Variants in CNTN4 observed in about 807,000 individuals in gnomAD.
CNTN4 encodes the protein contactin 4.
CNTN4 carries 77 observed loss-of-function variants against 122.5 expected under a neutral mutation model. The observed-to-expected ratio is 0.63, with a 90% CI of 0.52 to 0.76. The LOEUF (loss-of-function observed/expected upper bound fraction) is 0.76. CNTN4 is among the 30% of genes least tolerant of loss of function. CNTN4 has a pLI of 0.00. For synonymous variants in CNTN4, 512 were observed against 447.0 expected (o/e 1.15, Z -1.83); for missense variants, 1,256 against 1,259.1 (o/e 1.00, Z 0.04).
intron 14 of CNTN4, among the ~76,000 whole-genome samples, chr3:2,993,012 GT>G (rs151263509): frequency 0.035 from 5,336 of 152,204 alleles, 318 homozygotes; most frequent in African/African-American, 0.12. Context: ...ACACATCAGA[GT>G]TTAGAACATT....
At chr3:2,191,561 T>C (rs1239791918) in intron 2 of CNTN4, among the ~76,000 whole-genome samples, 1 of 152,054 alleles carries the variant, frequency 6.6e-6, no homozygotes, top group Non-Finnish European at 1.5e-5. Flanking sequence ...CCATGACACC[T>C]CTAGCCCGTA....
At chr3:2,225,783 C>T (rs561731078) in intron 2 of CNTN4, among the ~76,000 whole-genome samples, 1 of 152,264 alleles carries the variant, frequency 6.6e-6, no homozygotes, top group Admixed American at 6.5e-5. Flanking sequence ...CACATCTGAC[C>T]CCACTCATCA....
At chr3:2,644,153 A>T (rs1352860609) in intron 4 of CNTN4, among the ~76,000 whole-genome samples, 2 of 152,122 alleles carry the variant, frequency 1.3e-5, no homozygotes, top group Non-Finnish European at 2.9e-5. Context: ...TCCTTAAATA[A>T]CCAGGTAGGG....
chr3:2,946,379 A>C (rs1293886064), intron 13 of CNTN4, among the ~76,000 whole-genome samples: 5 of 152,144 alleles, frequency 3.3e-5, no homozygotes, highest in Non-Finnish European at 7.4e-5. Context: ...TTATGGTAAA[A>C]CTGAGGTTAG....
At chr3:2,255,869 A>AGC (rs1408135431) in intron 2 of CNTN4, among the ~76,000 whole-genome samples, 1 of 152,202 alleles carries the variant, frequency 6.6e-6, no homozygotes, top group Non-Finnish European at 1.5e-5. Flanking sequence ...CTAACATCAC[A>AGC]GTTAAAAGAA....
At chr3:2,776,803 G>A (rs568166231) in intron 6 of CNTN4, among the ~76,000 whole-genome samples, 90 of 152,252 alleles carry the variant, frequency 5.9e-4, no homozygotes, top group African/African-American at 2.1e-3. Flanking sequence ...AGAGTACAAA[G>A]TCCTCAGTTA....
chr3:2,371,377 C>T (rs967396856), intron 3 of CNTN4, among the ~76,000 whole-genome samples: 10 of 152,068 alleles, frequency 6.6e-5, no homozygotes, highest in Non-Finnish European at 1.3e-4. Context: ...CCTTTAACAC[C>T]CTATTTAAAA....
intron 2 of CNTN4, among the ~76,000 whole-genome samples, chr3:2,316,304 A>G (rs544021475): frequency 4.5e-4 from 68 of 152,076 alleles, no homozygotes; most frequent in Non-Finnish European, 8.4e-4. Flanking sequence ...ATGTGTTTTT[A>G]AAGACATGCT....
At chr3:2,116,688 T>G (rs2033376200) in intron 2 of CNTN4, among the ~76,000 whole-genome samples, 1 of 152,132 alleles carries the variant, frequency 6.6e-6, no homozygotes, top group South Asian at 2.1e-4. Flanking sequence ...ACACGAGAAT[T>G]TTTCAGAATC....
At chr3:2,987,433 G>T (rs1350872649) in intron 13 of CNTN4, among the ~76,000 whole-genome samples, 1 of 152,324 alleles carries the variant, frequency 6.6e-6, no homozygotes, top group Non-Finnish European at 1.5e-5. Flanking sequence ...GGTAGAAATA[G>T]GCAGGCCAAT....
At chr3:2,122,015 G>C (rs1036406074) in intron 2 of CNTN4, among the ~76,000 whole-genome samples, 1 of 133,612 alleles carries the variant, frequency 7.5e-6, no homozygotes, top group Non-Finnish European at 1.7e-5. Context: ...AATTAGCCGG[G>C]CGTGGTGGCG....
intron 13 of CNTN4, among the ~76,000 whole-genome samples, chr3:2,963,929 A>G (rs577596579): frequency 1.1e-4 from 16 of 152,304 alleles, no homozygotes; most frequent in Middle Eastern, 3.4e-3. Flanking sequence ...GAATTGAAGA[A>G]TGGTCATAAA....
At chr3:2,675,190 G>C (rs560388593) in intron 4 of CNTN4, among the ~76,000 whole-genome samples, 94 of 150,970 alleles carry the variant, frequency 6.2e-4, no homozygotes, top group Middle Eastern at 3.4e-3. Context: ...TTTAAAAGTT[G>C]TCTTCCCTAC....
At chr3:2,627,221 C>A (rs2082226057) in intron 4 of CNTN4, among the ~76,000 whole-genome samples, 1 of 152,160 alleles carries the variant, frequency 6.6e-6, no homozygotes, top group South Asian at 2.1e-4. Context: ...ATCTTTGCAC[C>A]ATGTACAACT....
At position 2,439,753 on chromosome 3, in the gene CNTN4, A is replaced by T. The variant is rs1206169555; in HGVS notation, c.-89+100520A>T. ...AGGAATTATGGAGAAGAGAAGAGCA[A>T]TAAAACAGAGACAAACATTGAAGCA... On this transcript the variant is annotated intron_variant, in intron 3 of 24. Coordinates refer to ENST00000418658, the MANE Select transcript of CNTN4 (RefSeq NM_175607.3). Among the ~76,000 whole-genome samples, 3 of 152,110 alleles carry T rather than the reference A, an allele frequency of 2.0e-5. No individual in the cohort carries two copies. The South Asian group carries it at 6.2e-4, about 31-fold the overall frequency.
chr3:2,794,247 GA>G (rs2092100451), intron 6 of CNTN4, among the ~76,000 whole-genome samples: 2 of 152,256 alleles, frequency 1.3e-5, no homozygotes, highest in African/African-American at 4.8e-5. Context: ...TCCATCAGTA[GA>G]AAAAGACTTA....
At chr3:3,027,463 A>G (rs9819011) in intron 15 of CNTN4, among the ~76,000 whole-genome samples, 12,883 of 152,192 alleles carry the variant, frequency 0.085, 622 homozygotes, top group Admixed American at 0.11. Context: ...GGCTAAGTGA[A>G]AGAAATATTA....
chr3:2,311,736 T>G (rs964428821), intron 2 of CNTN4, among the ~76,000 whole-genome samples: 1 of 152,158 alleles, frequency 6.6e-6, no homozygotes, highest in African/African-American at 2.4e-5. Flanking sequence ...GAAAGGCTTA[T>G]GCACATTTAT....
chr3:2,438,380 G>A (rs1354471981), intron 3 of CNTN4, among the ~76,000 whole-genome samples: 1 of 152,128 alleles, frequency 6.6e-6, no homozygotes, highest in East Asian at 1.9e-4. Context: ...AAATTAGCCA[G>A]GCATGGCGGT....
Sources: gnomAD v4.1 joint callset for allele counts (sites outside exome capture counted in the v4.1 genomes callset) on GRCh38, gnomAD v4.1.1 for gene constraint, MANE v1.5 for transcripts, NCBI Gene and HGNC (gene_info 2026-07-23, HGNC 2026-07-21) for gene names.